The following DIPK2A variants were observed in gnomAD, a reference collection of about 807,000 sequenced individuals.
DIPK2A encodes the protein divergent protein kinase domain 2A.
Under a neutral mutation model 39.0 loss-of-function variants are expected in DIPK2A, and 27 were observed. That is an observed-to-expected ratio of 0.69 (90% CI 0.51 to 0.96). The LOEUF is 0.96. Among genes scored for constraint, DIPK2A ranks in the 40% least tolerant of loss-of-function variants. DIPK2A has a pLI of 0.00. For missense variants in DIPK2A, 528 were observed against 571.3 expected, an observed-to-expected ratio of 0.92 and a Z score of 0.77; for synonymous variants, 298 against 240.8, an observed-to-expected ratio of 1.24 and a Z score of -2.20.
At chr3:143,984,686 G>T (rs562508660) in intron 1 of DIPK2A, among the ~76,000 whole-genome samples, 1 of 151,392 alleles carries the variant, frequency 6.6e-6, no homozygotes, top group South Asian at 2.1e-4. Context: ...CATGGAACAC[G>T]TTTTTTTTTG....
chr3:143,972,633 G>C lies in DIPK2A; in HGVS notation c.301G>C (p.Glu101Gln). 6.2e-7 allele frequency: 1 copy of C among 1,611,372 alleles called. No individual in the cohort carries two copies. The change falls in exon 1 of 3, where the codon GAG becomes CAG. Residue 101 changes from glutamate (E) to glutamine (Q), a missense_variant. By Grantham distance (29) the Glu-to-Gln change is conservative. This residue lies in a region of DIPK2A where 309 missense variants were observed against 289.8 expected (regional missense o/e 1.07). Coordinates refer to ENST00000315691, the MANE Select transcript of DIPK2A (RefSeq NM_173552.5). ...VYFAQYGEPR[E>Q]GGRRRVVLKR... The stretch of plus-strand genomic sequence containing the variant: ...CTTCGCGCAGTACGGCGAGCCCCGC[G>C]AGGGCGGCCGCCGCCGAGTGGTGCT...
At chr3:143,977,534 AAT>A (rs1308058538) in intron 1 of DIPK2A, among the ~76,000 whole-genome samples, 4 of 152,100 alleles carry the variant, frequency 2.6e-5, no homozygotes, top group Non-Finnish European at 5.9e-5. Flanking sequence ...CTTGTGAGGC[AAT>A]AGTGTGCAAA....
Position 143,990,375 on chromosome 3 carries a change from G to A in DIPK2A, c.*534G>A, listed in dbSNP as rs2087965112. On this transcript the variant is annotated 3_prime_UTR_variant, in exon 3 of 3. Coordinates refer to ENST00000315691, the MANE Select transcript of DIPK2A (RefSeq NM_173552.5). Reference sequence around the variant, plus strand: ...TTAAATTTTTAATAGTTGTCATTCAGTGCTATTTGGTACATATTTACTGTT... The same window carrying A: ...TTAAATTTTTAATAGTTGTCATTCAATGCTATTTGGTACATATTTACTGTT... 1 of 144,364 alleles carries A rather than the reference G, an allele frequency of 6.9e-6. No individual in the cohort carries two copies. The highest frequency in any genetic ancestry group is 2.6e-5 in the African/African-American group (1 of 39,030). 8.9% of individuals were successfully genotyped at this position (144,364 alleles called of 1,614,324 possible).
At position 143,972,806 on chromosome 3, in the gene DIPK2A, C is replaced by T. The variant is rs1213406174; in HGVS notation, c.474C>T (p.Pro158=). The change falls in exon 1 of 3, where the codon CCC becomes CCT. Residue 158 remains proline, a synonymous_variant. Transcript: ENST00000315691. ...RLNGDVRLLT[P]EAVEGWSDLV... ...ACGGCGACGTGCGTCTGCTCACGCC[C>T]GAGGCGGTGGAGGGCTGGTCGGACC... 3 of 1,565,122 alleles carry T rather than the reference C, an allele frequency of 1.9e-6. No individual in the cohort carries two copies. Among genetic ancestry groups the T allele is most frequent in the Non-Finnish European group, 1.7e-6 (2 of 1,159,054 alleles).
chr3:143,972,528 C>T lies in DIPK2A; in HGVS notation c.196C>T (p.Arg66Cys). The change falls in exon 1 of 3, where the codon CGC (arginine) becomes TGC (cysteine). Residue 66 changes from arginine (R) to cysteine (C), a missense_variant. By Grantham distance (180) the Arg-to-Cys change is radical. This residue lies in a region of DIPK2A where 309 missense variants were observed against 289.8 expected (regional missense o/e 1.07). Transcript: ENST00000315691. ...GTGCTTCGGCACGAGCTGGTGCCGC[C>T]GCTTCCTCAACGGGCAGGTGGTATT... ...PACFGTSWCR[R>C]FLNGQVVFEA... 1 of 1,612,012 alleles carries T rather than the reference C, an allele frequency of 6.2e-7. No homozygotes were observed. Among genetic ancestry groups the T allele is most frequent in the Non-Finnish European group, 8.5e-7 (1 of 1,179,518 alleles).
At chr3:143,980,125 C>T (rs2087806059) in intron 1 of DIPK2A, among the ~76,000 whole-genome samples, 1 of 152,232 alleles carries the variant, frequency 6.6e-6, no homozygotes, top group African/African-American at 2.4e-5. Context: ...AAACTGTGAA[C>T]ACATTAGTCT....
intron 1 of DIPK2A, among the ~76,000 whole-genome samples, chr3:143,976,843 TATA>T (rs972721054): frequency 3.9e-5 from 6 of 152,052 alleles, no homozygotes; most frequent in Non-Finnish European, 7.4e-5. Context: ...TTATAAATGA[TATA>T]ATACATGCAA....
intron 1 of DIPK2A, among the ~76,000 whole-genome samples, chr3:143,984,466 C>T (rs752651442): frequency 6.6e-6 from 1 of 151,626 alleles, no homozygotes; most frequent in African/African-American, 2.4e-5. Flanking sequence ...GGCTTAATTT[C>T]AGTATTGTTG....
intron 1 of DIPK2A, among the ~76,000 whole-genome samples, chr3:143,976,236 T>C (rs1173298625): frequency 1.3e-5 from 2 of 152,046 alleles, no homozygotes; most frequent in Non-Finnish European, 2.9e-5. Context: ...AAAATGTTTA[T>C]AAACATCAAG....
At position 143,973,326 on chromosome 3, in the gene DIPK2A, C is replaced by T. The variant is rs894878545; in HGVS notation, c.657+337C>T. The T allele has an allele frequency of 3.9e-6, 6 of 1,539,122 alleles. No individual in the cohort carries two copies. In the African/African-American group the frequency reaches 4.1e-5, roughly 11 times the overall value. ...TTCCGCTCTCTACCCTGCCTTTCTG[C>T]TTTTATCTGCCGGGGCTTGCAGGTC... On this transcript the variant is annotated intron_variant, in intron 1 of 2. Transcript: ENST00000315691.
chr3:143,990,049 A>G lies in DIPK2A; in HGVS notation c.*208A>G, dbSNP rs902074414. The G allele has an allele frequency of 1.8e-6, 1 of 548,340 alleles. No homozygotes were observed. Among genetic ancestry groups the G allele is most frequent in the Middle Eastern group, 4.8e-4 (1 of 2,090 alleles). 34.0% of individuals were successfully genotyped at this position (548,340 alleles called of 1,614,324 possible). A position where few individuals can be genotyped will look rare whatever the true frequency, so the allele number is the denominator to read the frequency against. ...CTTCTGCAAATAAGTATGTTCTTATACTTTGGAGGCTTGAGCTGTCATCAG... is the reference window on the plus strand; with the variant it reads ...CTTCTGCAAATAAGTATGTTCTTATGCTTTGGAGGCTTGAGCTGTCATCAG... On this transcript the variant is annotated 3_prime_UTR_variant, in exon 3 of 3. Coordinates refer to ENST00000315691, the MANE Select transcript of DIPK2A (RefSeq NM_173552.5).
At chr3:143,981,058 C>A (rs1470193310) in intron 1 of DIPK2A, among the ~76,000 whole-genome samples, 1 of 152,134 alleles carries the variant, frequency 6.6e-6, no homozygotes, top group Non-Finnish European at 1.5e-5. Flanking sequence ...TATCTTTACT[C>A]ATATATTCCA....
chr3:143,984,009 C>T (rs1158737056), intron 1 of DIPK2A, among the ~76,000 whole-genome samples: 5 of 152,180 alleles, frequency 3.3e-5, no homozygotes, highest in Non-Finnish European at 5.9e-5. Context: ...CTTCTCCTTG[C>T]GCTTTTATCT....
Position 143,991,400 on chromosome 3 carries a change from C to G in DIPK2A, c.*1559C>G, listed in dbSNP as rs969019564. 7 of 152,560 alleles carry G rather than the reference C, an allele frequency of 4.6e-5. No homozygotes were observed. Among genetic ancestry groups the G allele is most frequent in the Admixed American group, 1.3e-4 (2 of 15,290 alleles). 9.5% of individuals were successfully genotyped at this position (152,560 alleles called of 1,614,324 possible). On this transcript the variant is annotated 3_prime_UTR_variant, in exon 3 of 3. Coordinates refer to ENST00000315691, the MANE Select transcript of DIPK2A (RefSeq NM_173552.5). ...GGTTAAGTAACTTTACAATTATTAT[C>G]AAATACTTCAATGTAGATATTTCTT...
At chr3:143,973,445 C>G in intron 1 of DIPK2A, 1 of 1,551,152 alleles carries the variant, frequency 6.4e-7, no homozygotes, top group Non-Finnish European at 8.7e-7. Context: ...GCGCTGGTGG[C>G]TGGCCTAACT....
In DIPK2A at chr3:143,971,847, G is replaced by A. The variant is rs2087648248; in HGVS notation, c.-486G>A. ...CACAAGCAAGGGTGTGCGGCTCTGA[G>A]ACGTGCGTTGCTGCTTGTGGGTGTG... On this transcript the variant is annotated 5_prime_UTR_variant, in exon 1 of 3. Transcript: ENST00000315691. The A allele has an allele frequency of 6.5e-6, 1 of 153,990 alleles. No individual in the cohort carries two copies. Among genetic ancestry groups the A allele is most frequent in the Admixed American group, 6.5e-5 (1 of 15,316 alleles). 9.5% of individuals were successfully genotyped at this position (153,990 alleles called of 1,614,324 possible). A position where few individuals can be genotyped will look rare whatever the true frequency, so the allele number is the denominator to read the frequency against.
At position 143,972,684 on chromosome 3, in the gene DIPK2A, C is replaced by G; in HGVS notation, c.352C>G (p.Leu118Val). 6.2e-7 allele frequency: 1 copy of G among 1,607,784 alleles called. No homozygotes were observed. Among genetic ancestry groups the G allele is most frequent in the Non-Finnish European group, 8.5e-7 (1 of 1,177,826 alleles). ...CAAGCGCCTCGGCTCGCAGCGCGAG[C>G]TGGCGCAGCTCGACCAGAGCATCTG... ...VLKRLGSQRE[L>V]AQLDQSICKR... Residue 118 changes from leucine (L) to valine (V), a missense_variant, in exon 1 of 3, where the codon CTG (leucine) becomes GTG (valine). Physicochemically the swap from Leu to Val is conservative, Grantham distance 32. This residue lies in a region of DIPK2A where 309 missense variants were observed against 289.8 expected (regional missense o/e 1.07). Coordinates refer to ENST00000315691, the MANE Select transcript of DIPK2A (RefSeq NM_173552.5).
intron 1 of DIPK2A, among the ~76,000 whole-genome samples, chr3:143,982,315 AG>A (rs2087837928): frequency 2.0e-5 from 3 of 152,178 alleles, no homozygotes; most frequent in African/African-American, 7.2e-5. Flanking sequence ...AGGTGCATGA[AG>A]ATAAGCATAT....
chr3:143,972,666 C>T lies in DIPK2A; in HGVS notation c.334C>T (p.Leu112Phe), dbSNP rs1392448070. ...CCGCCGCCGAGTGGTGCTCAAGCGC[C>T]TCGGCTCGCAGCGCGAGCTGGCGCA... Reference protein sequence around the residue: ...GGRRRVVLKRLGSQRELAQLD... With the variant: ...GGRRRVVLKRFGSQRELAQLD... The change falls in exon 1 of 3, where the codon CTC (leucine) becomes TTC (phenylalanine). Residue 112 changes from leucine to phenylalanine, a missense_variant. Physicochemically the swap from Leu to Phe is conservative, Grantham distance 22. Transcript: ENST00000315691. 2 of 1,609,374 alleles carry T rather than the reference C, an allele frequency of 1.2e-6. No individual in the cohort carries two copies. The highest frequency in any genetic ancestry group is 1.3e-5 in the African/African-American group (1 of 74,718).
Sources: allele counts gnomAD v4.1 joint callset (sites outside exome capture counted in the v4.1 genomes callset), GRCh38; gene constraint gnomAD v4.1.1; regional missense constraint gnomAD v4.1.1; transcripts MANE v1.5; gene names NCBI Gene and HGNC (gene_info 2026-07-23, HGNC 2026-07-21).